Variants in TCF25 observed in about 807,000 individuals in gnomAD.
TCF25 encodes the protein TCF25 ribosome quality control complex subunit.
Under a neutral mutation model 83.1 loss-of-function variants are expected in TCF25, and 41 were observed. That is an observed-to-expected ratio of 0.49 (90% CI 0.38 to 0.64). The LOEUF (loss-of-function observed/expected upper bound fraction) is 0.64. TCF25 is among the 30% of genes least tolerant of loss of function. The probability of loss-of-function intolerance (pLI) is 0.00; values close to 1 mark genes in which losing one functional copy is unlikely to be tolerated. For missense variants in TCF25, 979 were observed against 914.5 expected (o/e 1.07, Z -0.91); for synonymous variants, 458 against 365.0 (o/e 1.25, Z -2.90).
chr16:89,885,100 G>A (rs1045873252), intron 3 of TCF25, among the ~76,000 whole-genome samples: 1 of 143,774 alleles, frequency 7.0e-6, no homozygotes, highest in Non-Finnish European at 1.5e-5. Flanking sequence ...CCCTCTGCCT[G>A]ACGCCCTCTC....
intron 7 of TCF25, 110 bp downstream of exon 7, chr16:89,893,968 C>T: frequency 6.8e-7 from 1 of 1,474,948 alleles, no homozygotes; most frequent in Non-Finnish European, 9.1e-7. Context: ...CCTGCCCTTC[C>T]CAACAGGAAG....
chr16:89,909,245 C>T (rs1467775119), intron 16 of TCF25: 27 of 939,094 alleles, frequency 2.9e-5, no homozygotes, highest in Non-Finnish European at 3.8e-5. Context: ...GGTGCAGTGA[C>T]TCACGCCTGT....
intron 1 of TCF25, among the ~76,000 whole-genome samples, chr16:89,880,355 G>A (rs887317730): frequency 2.0e-5 from 3 of 152,304 alleles, no homozygotes; most frequent in African/African-American, 7.2e-5. Flanking sequence ...AGTCTGAGGC[G>A]GGCAGATCAC....
intron 12 of TCF25, 138 bp from the exon 13 acceptor site, chr16:89,903,980 C>G: frequency 1.2e-6 from 1 of 826,764 alleles, no homozygotes; most frequent in Admixed American, 2.6e-5. Context: ...GGAAGCAAGC[C>G]GCTGGCCCTG....
At chr16:89,903,413 G>C (rs532436826) in intron 12 of TCF25, among the ~76,000 whole-genome samples, 1 of 152,402 alleles carries the variant, frequency 6.6e-6, no homozygotes, top group East Asian at 1.9e-4. Context: ...GCTCACGCCT[G>C]TAATCCCAGC....
intron 14 of TCF25, among the ~76,000 whole-genome samples, chr16:89,905,542 C>T (rs186702233): frequency 4.9e-4 from 75 of 152,338 alleles, no homozygotes; most frequent in African/African-American, 1.7e-3. Flanking sequence ...CGTTTGTCTG[C>T]GCCCTTGGCC....
chr16:89,893,301 C>T (rs1363780055), intron 6 of TCF25, among the ~76,000 whole-genome samples: 3 of 152,248 alleles, frequency 2.0e-5, no homozygotes, highest in Non-Finnish European at 4.4e-5. Flanking sequence ...AGGCCTGGCG[C>T]TGTGGCCACC....
In TCF25 at chr16:89,873,697, G is replaced by A; in HGVS notation, c.30G>A (p.Arg10=). Residue 10 remains arginine, a synonymous_variant, in exon 1 of 18, where the codon AGG becomes AGA. Coordinates refer to ENST00000263346, the MANE Select transcript of TCF25 (RefSeq NM_014972.3). MSRRALRRL[R]GEQRGQEPLG... is the part of the protein sequence containing the mutation. ...CGCGCCGGGCCCTCCGGAGGCTGAG[G>A]GGGGAACAGCGCGGCCAGGAGCCCC... is the stretch of plus-strand genomic sequence containing the variant. The A allele has an allele frequency of 1.2e-6, 2 of 1,609,070 alleles. No individual in the cohort carries two copies. The highest frequency in any genetic ancestry group is 1.1e-5 in the South Asian group (1 of 90,580).
intron 17 of TCF25, 127 bp downstream of exon 17, chr16:89,910,790 G>T: frequency 8.7e-7 from 1 of 1,154,930 alleles, no homozygotes; most frequent in East Asian, 2.4e-5. Flanking sequence ...GAAGGACCAA[G>T]GCTGCATTGT....
chr16:89,895,006 C>T (rs758008220), intron 7 of TCF25, 32 bp from the exon 8 acceptor site: 2 of 1,597,516 alleles, frequency 1.3e-6, no homozygotes, highest in African/African-American at 1.3e-5. Flanking sequence ...TGCTGAGTGC[C>T]TTTCCTCCAG....
In TCF25 at chr16:89,887,700, A is replaced by T; in HGVS notation, c.597A>T (p.Ala199=). ...TELKRYFGAR[A]ILGEQRPRQR... ...TGAAAAGGTATTTTGGTGCCCGGGC[A>T]ATCCTGGGGGAGCAAAGGTAAGGTC... The change falls in exon 5 of 18, where the codon GCA becomes GCT. Residue 199 remains alanine, a synonymous_variant. Coordinates refer to ENST00000263346, the MANE Select transcript of TCF25 (RefSeq NM_014972.3). 1 of 1,592,840 alleles carries T rather than the reference A, an allele frequency of 6.3e-7. No individual in the cohort carries two copies. Among genetic ancestry groups the T allele is most frequent in the Non-Finnish European group, 8.5e-7 (1 of 1,173,394 alleles).
chr16:89,901,039 T>C, intron 12 of TCF25: 1 of 418,104 alleles, frequency 2.4e-6, no homozygotes, highest in Non-Finnish European at 4.4e-6. Flanking sequence ...GGGCCTGTGT[T>C]CTAGAGTGCA....
chr16:89,888,576 G>A (rs2043185890), intron 5 of TCF25, among the ~76,000 whole-genome samples: 1 of 144,158 alleles, frequency 6.9e-6, no homozygotes, highest in South Asian at 2.2e-4. Context: ...CAACGAGAGC[G>A]AAACTCCATC....
At chr16:89,886,293 A>G (rs1367442312) in intron 4 of TCF25, among the ~76,000 whole-genome samples, 2 of 151,972 alleles carry the variant, frequency 1.3e-5, no homozygotes, top group Non-Finnish European at 2.9e-5. Context: ...TGGGCGTGGT[A>G]GCGGGCGCCT....
Position 89,901,083 on chromosome 16 carries a change from G to C in TCF25, c.1381+289G>C, listed in dbSNP as rs916966787. Reference sequence around the variant, plus strand: ...ACTGGCTGGGAGGTGCGGGGCATTGGATTGTACCAGTGCTGGGGAGGAGAG... The same window carrying C: ...ACTGGCTGGGAGGTGCGGGGCATTGCATTGTACCAGTGCTGGGGAGGAGAG... On this transcript the variant is annotated intron_variant, in intron 12 of 17. Transcript: ENST00000263346. 1.3e-5 allele frequency: 4 copies of C among 307,444 alleles called. No individual in the cohort carries two copies. The East Asian group carries it at 1.5e-4, about 12-fold the overall frequency. 19.0% of individuals were successfully genotyped at this position (307,444 alleles called of 1,614,324 possible).
chr16:89,911,039 G>T, intron 17 of TCF25, 41 bp from the exon 18 acceptor site: 1 of 1,606,184 alleles, frequency 6.2e-7, no homozygotes, highest in Non-Finnish European at 8.5e-7. Context: ...CCTAGTCCCA[G>T]CACAGACAGC....
chr16:89,909,301 A>G, intron 16 of TCF25: 1 of 478,630 alleles, frequency 2.1e-6, no homozygotes, highest in South Asian at 2.0e-5. Context: ...CACAAGGTCA[A>G]GAGATTGAGA....
intron 4 of TCF25, 59 bp downstream of exon 4, chr16:89,886,025 T>G: frequency 7.1e-7 from 1 of 1,408,744 alleles, no homozygotes; most frequent in Non-Finnish European, 1.0e-6. Flanking sequence ...TCTCTGCGGC[T>G]GCCCTTCTCT....
At chr16:89,892,033 G>A (rs946759460) in intron 5 of TCF25, among the ~76,000 whole-genome samples, 160 bp from the exon 6 acceptor site, 8 of 152,100 alleles carry the variant, frequency 5.3e-5, no homozygotes, top group Non-Finnish European at 7.4e-5. Context: ...AGTTGCTGAC[G>A]CTTGTTTGCA....
Sources: allele counts gnomAD v4.1 joint callset (sites outside exome capture counted in the v4.1 genomes callset), GRCh38; gene constraint gnomAD v4.1.1; transcripts MANE v1.5; gene names NCBI Gene and HGNC (gene_info 2026-07-23, HGNC 2026-07-21).